Variants in PEX7 observed in about 807,000 individuals in gnomAD.
PEX7 encodes the protein peroxisomal biogenesis factor 7, also known as PTS2 receptor.
PEX7 carries 34 observed loss-of-function variants against 47.5 expected under a neutral mutation model. That is an observed-to-expected ratio of 0.72 (90% confidence interval 0.54 to 0.95). The LOEUF is 0.95. Among genes scored for constraint, PEX7 ranks in the 40% least tolerant of loss-of-function variants. The pLI is 0.00. For missense variants in PEX7, 394 were observed against 400.3 expected (o/e 0.98, Z 0.13); for synonymous variants, 141 against 148.8 (o/e 0.95, Z 0.38).
intron 9 of PEX7, among the ~76,000 whole-genome samples, chr6:136,907,717 C>T (rs531269618): frequency 2.1e-4 from 32 of 152,048 alleles, no homozygotes; most frequent in Non-Finnish European, 3.7e-4. Flanking sequence ...TTATTATTAA[C>T]AATCACATTA....
chr6:136,830,166 C>T (rs910854776), intron 3 of PEX7: 7 of 631,226 alleles, frequency 1.1e-5, no homozygotes, highest in African/African-American at 1.9e-5. Context: ...TTGCGTATGT[C>T]ACATATTTTT....
intron 3 of PEX7, among the ~76,000 whole-genome samples, chr6:136,839,935 A>G (rs1229624023): frequency 6.6e-6 from 1 of 152,098 alleles, no homozygotes; most frequent in Non-Finnish European, 1.5e-5. Flanking sequence ...ATGCAGTGTT[A>G]TGGGAAGGGA....
intron 5 of PEX7, among the ~76,000 whole-genome samples, chr6:136,860,082 C>G (rs894031471): frequency 6.6e-6 from 1 of 151,938 alleles, no homozygotes; most frequent in South Asian, 2.1e-4. Context: ...ATAAGAGAAG[C>G]TGGCAATTCA....
intron 8 of PEX7, among the ~76,000 whole-genome samples, chr6:136,893,755 A>G (rs1775597142): frequency 6.6e-6 from 1 of 152,246 alleles, no homozygotes; most frequent in Non-Finnish European, 1.5e-5. Flanking sequence ...TAAAAACACA[A>G]CAAAAATTAA....
At chr6:136,852,116 AG>A (rs1483458195) in intron 5 of PEX7, among the ~76,000 whole-genome samples, 2 of 138,072 alleles carry the variant, frequency 1.4e-5, no homozygotes, top group African/African-American at 5.6e-5. Flanking sequence ...GTTTTCTTCT[AG>A]GGTTTTTATG....
chr6:136,901,463 T>G (rs1204610196), intron 9 of PEX7: 1 of 152,306 alleles, frequency 6.6e-6, no homozygotes, highest in Non-Finnish European at 1.5e-5. Context: ...GGCCGGGTGG[T>G]CCTATTAGGC....
At chr6:136,843,721 C>T (rs577644442) in intron 3 of PEX7, among the ~76,000 whole-genome samples, 1 of 152,180 alleles carries the variant, frequency 6.6e-6, no homozygotes, top group Non-Finnish European at 1.5e-5. Flanking sequence ...CCATAACTAA[C>T]AGATGGCCAC....
At chr6:136,911,020 A>G (rs1775924658) in intron 9 of PEX7, among the ~76,000 whole-genome samples, 1 of 152,120 alleles carries the variant, frequency 6.6e-6, no homozygotes. Flanking sequence ...ATATATTGAA[A>G]TTTACAAATC....
In PEX7 at chr6:136,870,014, A is replaced by T. The variant is rs370027126; in HGVS notation, c.747+11A>T. Reference sequence around the variant, plus strand: ...ATTAGGAGGGTGAAAGTAAGTTTTCATCTTTTCTTTTATATGTAGAATAAA... The same window carrying T: ...ATTAGGAGGGTGAAAGTAAGTTTTCTTCTTTTCTTTTATATGTAGAATAAA... On this transcript the variant is annotated intron_variant, in intron 7 of 9. Transcript: ENST00000318471. 3 of 1,488,806 alleles carry T rather than the reference A, an allele frequency of 2.0e-6. No individual in the cohort carries two copies. Among genetic ancestry groups the T allele is most frequent in the South Asian group, 1.1e-5 (1 of 87,500 alleles). The allele number at this position is 1,488,806 out of a possible 1,614,324, so 92.2% of individuals were successfully genotyped here.
chr6:136,855,158 A>G (rs774984584), intron 5 of PEX7, among the ~76,000 whole-genome samples: 1 of 152,046 alleles, frequency 6.6e-6, no homozygotes, highest in Non-Finnish European at 1.5e-5. Flanking sequence ...TGGGAGCTCT[A>G]ATTGGCAACA....
chr6:136,853,250 A>G (rs1211539173), intron 5 of PEX7, among the ~76,000 whole-genome samples: 2 of 152,232 alleles, frequency 1.3e-5, no homozygotes, highest in East Asian at 3.8e-4. Flanking sequence ...CTCAAAGCCA[A>G]AAATATTTAC....
rs1416465889 is a variant in PEX7, at chr6:136,866,749, C to G, written c.633+16C>G. Reference sequence around the variant, plus strand: ...ATACAATGAGGTATAGTGTATGGCTCTATCCTATGCTGCTGTCCTTCCTAA... The same window carrying G: ...ATACAATGAGGTATAGTGTATGGCTGTATCCTATGCTGCTGTCCTTCCTAA... On this transcript the variant is annotated intron_variant, in intron 6 of 9. Transcript: ENST00000318471. 6.4e-7 allele frequency: 1 copy of G among 1,567,240 alleles called. No homozygotes were observed. The highest frequency in any genetic ancestry group is 8.8e-7 in the Non-Finnish European group (1 of 1,137,470).
At chr6:136,854,613 G>T (rs992260379) in intron 5 of PEX7, among the ~76,000 whole-genome samples, 8 of 152,306 alleles carry the variant, frequency 5.3e-5, no homozygotes, top group African/African-American at 1.9e-4. Flanking sequence ...GTTGGTGAAA[G>T]ATTCTACCAC....
chr6:136,832,325 T>A (rs1774309316), intron 3 of PEX7, among the ~76,000 whole-genome samples: 1 of 152,230 alleles, frequency 6.6e-6, no homozygotes, highest in South Asian at 2.1e-4. Flanking sequence ...GGGCACCATG[T>A]CTTGAGGCTG....
intron 3 of PEX7, among the ~76,000 whole-genome samples, chr6:136,844,733 G>A (rs916053489): frequency 6.6e-6 from 1 of 151,822 alleles, no homozygotes; most frequent in Non-Finnish European, 1.5e-5. Context: ...CCACCTATAA[G>A]TGACGGGATC....
intron 8 of PEX7, among the ~76,000 whole-genome samples, chr6:136,878,184 T>G (rs888928378): frequency 6.6e-6 from 1 of 152,234 alleles, no homozygotes; most frequent in African/African-American, 2.4e-5. Context: ...AAGTTGCTTA[T>G]CAGCTTAAGG....
At chr6:136,868,720 A>G (rs535101406) in intron 6 of PEX7, among the ~76,000 whole-genome samples, 3 of 150,700 alleles carry the variant, frequency 2.0e-5, no homozygotes, top group Non-Finnish European at 3.0e-5. Context: ...ATTACTTTCA[A>G]TGGCAAAAAC....
In PEX7 at chr6:136,913,599, A is replaced by G. The variant is rs1471770997; in HGVS notation, c.*73A>G. The G allele has an allele frequency of 2.0e-6, 2 of 979,528 alleles. No individual in the cohort carries two copies. The highest frequency in any genetic ancestry group is 3.3e-6 in the Non-Finnish European group (2 of 604,146). The allele number at this position is 979,528 out of a possible 1,614,324, so 60.7% of individuals were successfully genotyped here. On this transcript the variant is annotated 3_prime_UTR_variant, in exon 10 of 10. Coordinates refer to ENST00000318471, the MANE Select transcript of PEX7 (RefSeq NM_000288.4). ...CTAACAGCAAATAAATTAACTATGG[A>G]AAACATAGACATTATGCTTTTATAT...
chr6:136,894,744 T>A (rs1775619673), intron 8 of PEX7, among the ~76,000 whole-genome samples: 1 of 152,208 alleles, frequency 6.6e-6, no homozygotes, highest in Non-Finnish European at 1.5e-5. Flanking sequence ...AAAATGTTCC[T>A]AGAGTTCTGT....
Sources: gnomAD v4.1 joint callset for allele counts (sites outside exome capture counted in the v4.1 genomes callset) on GRCh38, gnomAD v4.1.1 for gene constraint, MANE v1.5 for transcripts, NCBI Gene and HGNC (gene_info 2026-07-23, HGNC 2026-07-21) for gene names.